ACTR3C: variants seen among roughly 807,000 people sequenced by gnomAD.
ACTR3C encodes the protein actin-related protein 3C.
ACTR3C carries 18 observed loss-of-function variants against 26.3 expected under a neutral mutation model. The ratio of observed to expected loss-of-function variants is 0.68; its 90% confidence interval spans 0.47 to 1.01. The LOEUF (loss-of-function observed/expected upper bound fraction) is 1.01. ACTR3C is among the 50% of genes least tolerant of loss of function. ACTR3C has a pLI of 0.00. For synonymous variants in ACTR3C, 55 were observed against 94.5 expected (o/e 0.58, Z 2.42); for missense variants, 184 against 250.7 (o/e 0.73, Z 1.80).
the ACTR3C span, among the ~76,000 whole-genome samples, chr7:150,038,162 C>A: frequency 2.8e-5 from 4 of 142,728 alleles, 1 homozygote; most frequent in African/African-American, 5.3e-5. Context: ...AATGGGGGGC[C>A]TTTATGTTCA....
chr7:150,010,581 C>A, the ACTR3C span, among the ~76,000 whole-genome samples: 6 of 151,484 alleles, frequency 4.0e-5, no homozygotes, highest in Non-Finnish European at 8.8e-5. Flanking sequence ...GTAATGCCAG[C>A]TACTCAGGAG....
At chr7:149,943,095 A>C in the ACTR3C span, among the ~76,000 whole-genome samples, 2 of 151,956 alleles carry the variant, frequency 1.3e-5, no homozygotes, top group African/African-American at 4.9e-5. Context: ...TCAGCAAACT[A>C]TGGCCCCGGG....
chr7:150,186,977 C>T, the ACTR3C span, among the ~76,000 whole-genome samples: 19 of 152,060 alleles, frequency 1.2e-4, no homozygotes, highest in Non-Finnish European at 2.6e-4. Context: ...AAACTATTTA[C>T]AGGCATTGTA....
At chr7:150,113,655 G>T in the ACTR3C span, among the ~76,000 whole-genome samples, 1 of 152,192 alleles carries the variant, frequency 6.6e-6, no homozygotes, top group Non-Finnish European at 1.5e-5. Context: ...ATTAGCAAGG[G>T]TGATGCCATA....
intron 6 of ACTR3C, among the ~76,000 whole-genome samples, chr7:150,268,030 T>C (rs1470678684): frequency 6.6e-6 from 1 of 152,156 alleles, no homozygotes; most frequent in Non-Finnish European, 1.5e-5. Context: ...GACAAAGTGA[T>C]GGCAAGGGGC....
chr7:150,298,615 A>G (rs1193537886), intron 1 of ACTR3C, among the ~76,000 whole-genome samples: 2 of 146,522 alleles, frequency 1.4e-5, no homozygotes, highest in Admixed American at 1.4e-4. Context: ...AGTACTGGAT[A>G]CACAGATGTG....
chr7:150,035,563 G>C, the ACTR3C span, among the ~76,000 whole-genome samples: 71 of 112,484 alleles, frequency 6.3e-4, no homozygotes, highest in African/African-American at 2.5e-3. Context: ...GGTCCGCAGA[G>C]CCGGGGGGGA....
At chr7:150,015,385 G>A in the ACTR3C span, among the ~76,000 whole-genome samples, 791 of 152,270 alleles carry the variant, frequency 5.2e-3, 48 homozygotes, top group East Asian at 0.13. Flanking sequence ...CAAGAAAGAG[G>A]TGGCTCCAGA....
chr7:150,290,859 A>C, intron 3 of ACTR3C, among the ~76,000 whole-genome samples: 1 of 152,364 alleles, frequency 6.6e-6, no homozygotes, highest in South Asian at 2.1e-4. Flanking sequence ...TACACATAAT[A>C]TTTTCTAAAA....
chr7:150,264,321 T>A (rs1563158066), intron 6 of ACTR3C, among the ~76,000 whole-genome samples: 1 of 152,222 alleles, frequency 6.6e-6, no homozygotes, highest in African/African-American at 2.4e-5. Flanking sequence ...ACCATCAGCG[T>A]GGCCACAGAC....
chr7:150,020,674 T>C, the ACTR3C span, among the ~76,000 whole-genome samples: 1 of 151,824 alleles, frequency 6.6e-6, no homozygotes, highest in Non-Finnish European at 1.5e-5. Flanking sequence ...TCAAATGGAG[T>C]GTGTCCCCAT....
chr7:149,930,778 C>T, the ACTR3C span, among the ~76,000 whole-genome samples: 1 of 152,254 alleles, frequency 6.6e-6, no homozygotes, highest in East Asian at 1.9e-4. Flanking sequence ...CCCACACATA[C>T]TTAAAATTTT....
At chr7:149,983,307 G>A in the ACTR3C span, among the ~76,000 whole-genome samples, 6 of 150,888 alleles carry the variant, frequency 4.0e-5, no homozygotes, top group Non-Finnish European at 8.8e-5. Context: ...TGGCCAACAG[G>A]CACATAAAAA....
the ACTR3C span, among the ~76,000 whole-genome samples, chr7:150,105,812 AG>A: frequency 2.0e-5 from 3 of 152,110 alleles, no homozygotes; most frequent in African/African-American, 7.3e-5. Context: ...AAGGCCCAAA[AG>A]CATCTTCTAA....
chr7:149,893,191 G>T, the ACTR3C span, among the ~76,000 whole-genome samples: 2 of 152,074 alleles, frequency 1.3e-5, no homozygotes, highest in East Asian at 3.9e-4. Flanking sequence ...CATCCATCAG[G>T]TCTCGACATC....
At chr7:150,089,029 G>A in the ACTR3C span, among the ~76,000 whole-genome samples, 1 of 152,170 alleles carries the variant, frequency 6.6e-6, no homozygotes, top group Admixed American at 6.5e-5. Context: ...AAGTGAGATG[G>A]AATACTTCAG....
chr7:150,039,418 TCCC>T, the ACTR3C span, among the ~76,000 whole-genome samples: 1 of 41,776 alleles, frequency 2.4e-5, no homozygotes, highest in Non-Finnish European at 5.1e-5. Context: ...TGGCTCTCAG[TCCC>T]TGCCTCGCGG....
At chr7:150,117,807 G>A in the ACTR3C span, among the ~76,000 whole-genome samples, 1 of 152,218 alleles carries the variant, frequency 6.6e-6, no homozygotes, top group Non-Finnish European at 1.5e-5. Context: ...TCCCAGCAGA[G>A]GTCGATAGAC....
intron 6 of ACTR3C, among the ~76,000 whole-genome samples, chr7:150,253,506 C>A (rs1051012527): frequency 6.6e-6 from 1 of 152,076 alleles, no homozygotes; most frequent in Non-Finnish European, 1.5e-5. Flanking sequence ...TTTGCTGTAA[C>A]CTGAGATCCC....
Sources: allele counts gnomAD v4.1 joint callset (sites outside exome capture counted in the v4.1 genomes callset), GRCh38; gene constraint gnomAD v4.1.1; transcripts MANE v1.5; gene names NCBI Gene and HGNC (gene_info 2026-07-23, HGNC 2026-07-21).